VPS37A: variants seen among roughly 807,000 people sequenced by gnomAD.
The protein encoded by VPS37A is VPS37A subunit of ESCRT-I, also known as vacuolar protein sorting-associated protein 37A.
VPS37A carries 30 observed loss-of-function variants against 49.8 expected under a neutral mutation model. The ratio of observed to expected loss-of-function variants is 0.60; its 90% CI spans 0.45 to 0.82. VPS37A has a LOEUF of 0.82. VPS37A is among the 40% of genes least tolerant of loss of function. The probability of loss-of-function intolerance (pLI) is 0.00; values close to 1 mark genes in which losing one functional copy is unlikely to be tolerated. For synonymous variants in VPS37A, 195 were observed against 160.6 expected, an observed-to-expected ratio of 1.21 and a Z score of -1.62; for missense variants, 593 against 464.4, an observed-to-expected ratio of 1.28 and a Z score of -2.55.
downstream of VPS37A, chr8:17,302,303 G>A (rs6587028): frequency 0.7 from 1,119,844 of 1,608,272 alleles, 392,365 homozygotes; most frequent in African/African-American, 0.88. Flanking sequence ...GCAAAGCGTC[G>A]TGATACCACC....
chr8:17,272,195 A>G (rs564337352), intron 4 of VPS37A: 7 of 403,698 alleles, frequency 1.7e-5, no homozygotes, highest in East Asian at 1.4e-4. Flanking sequence ...TTTGAGGCCC[A>G]TTAGACCTTC....
At chr8:17,299,886 A>G, downstream of VPS37A, 1 of 1,614,106 alleles carries the variant, frequency 6.2e-7, no homozygotes, top group South Asian at 1.1e-5. Context: ...ACACGGCTTC[A>G]TCAGAATCCC....
At chr8:17,310,707 G>A in the VPS37A span, among the ~76,000 whole-genome samples, 5 of 152,152 alleles carry the variant, frequency 3.3e-5, no homozygotes, top group African/African-American at 1.2e-4. Flanking sequence ...CTGCCTCTTC[G>A]CTCTTGTCCG....
intron 11 of VPS37A, among the ~76,000 whole-genome samples, chr8:17,291,357 CTCTTT>C (rs1232818127): frequency 6.6e-6 from 1 of 151,684 alleles, no homozygotes; most frequent in Non-Finnish European, 1.5e-5. Context: ...TGATTCTTCT[CTCTTT>C]TCTTCTTTTT....
At chr8:17,275,711 G>A (rs1277777555) in intron 5 of VPS37A, among the ~76,000 whole-genome samples, 1 of 152,118 alleles carries the variant, frequency 6.6e-6, no homozygotes, top group African/African-American at 2.4e-5. Flanking sequence ...ATTTAAAGGG[G>A]TATAAAACCT....
At chr8:17,264,924 T>C (rs562636399) in intron 1 of VPS37A, among the ~76,000 whole-genome samples, 3 of 152,268 alleles carry the variant, frequency 2.0e-5, no homozygotes, top group South Asian at 4.1e-4. Flanking sequence ...CAAATAACAA[T>C]AAAACAAACT....
chr8:17,306,519 CT>C (rs1477681250), downstream of VPS37A, among the ~76,000 whole-genome samples: 1 of 152,084 alleles, frequency 6.6e-6, no homozygotes, highest in Non-Finnish European at 1.5e-5. Context: ...TCTCCCATTG[CT>C]TTGCTTTTCA....
the VPS37A span, among the ~76,000 whole-genome samples, chr8:17,309,862 T>C: frequency 1.1e-4 from 16 of 152,184 alleles, no homozygotes; most frequent in Admixed American, 1.0e-3. Flanking sequence ...ATAAGAATTC[T>C]AAAATGATGG....
At chr8:17,329,673 G>A in the VPS37A span, among the ~76,000 whole-genome samples, 4 of 152,192 alleles carry the variant, frequency 2.6e-5, no homozygotes, top group Non-Finnish European at 5.9e-5. Context: ...CCTGATAAAT[G>A]ATGAACAGTC....
chr8:17,264,893 A>T (rs1344671963), intron 1 of VPS37A, among the ~76,000 whole-genome samples: 1 of 152,210 alleles, frequency 6.6e-6, no homozygotes, highest in South Asian at 2.1e-4. Flanking sequence ...AGTGTATTAT[A>T]GTTGTAATAA....
At chr8:17,278,303 GT>G (rs1814716388) in intron 6 of VPS37A, among the ~76,000 whole-genome samples, 2 of 151,864 alleles carry the variant, frequency 1.3e-5, no homozygotes, top group African/African-American at 4.8e-5. Flanking sequence ...TATAGCAAGG[GT>G]CATAAATATG....
At chr8:17,322,669 T>TA in the VPS37A span, among the ~76,000 whole-genome samples, 1 of 151,556 alleles carries the variant, frequency 6.6e-6, no homozygotes, top group Non-Finnish European at 1.5e-5. Flanking sequence ...AAAATAAAAA[T>TA]AAAAAATTAG....
At chr8:17,311,235 A>C in the VPS37A span, among the ~76,000 whole-genome samples, 1 of 152,198 alleles carries the variant, frequency 6.6e-6, no homozygotes, top group Non-Finnish European at 1.5e-5. Flanking sequence ...ATTGGCTTAC[A>C]AACTACCAAA....
Position 17,280,297 on chromosome 8 carries a change from G to A in VPS37A, c.900G>A (p.Lys300=). Residue 300 remains lysine, a splice_region_variant and synonymous_variant, in exon 8 of 12, where the codon AAG becomes AAA. Coordinates refer to ENST00000324849, the MANE Select transcript of VPS37A (RefSeq NM_152415.3). ...LEAKRQTVLD[K]YELLTQMKST... is the part of the protein sequence containing the mutation. ...CCAAAAGACAAACTGTTTTAGATAA[G>A]GTGAGTTAGTGATAATTTTGAAGAA... 6.2e-7 allele frequency: 1 copy of A among 1,610,726 alleles called. No individual in the cohort carries two copies. The highest frequency in any genetic ancestry group is 8.5e-7 in the Non-Finnish European group (1 of 1,178,800).
intron 1 of VPS37A, among the ~76,000 whole-genome samples, chr8:17,264,000 C>T (rs972734685): frequency 6.6e-5 from 10 of 152,164 alleles, no homozygotes; most frequent in African/African-American, 1.9e-4. Flanking sequence ...CCTCCATGTT[C>T]TACATGCCTA....
chr8:17,309,278 G>C, the VPS37A span: 1 of 1,526,714 alleles, frequency 6.6e-7, no homozygotes, highest in Non-Finnish European at 9.1e-7. Flanking sequence ...ATTACTTACC[G>C]GTGATTAAAC....
chr8:17,268,311 C>G lies in VPS37A; in HGVS notation c.254C>G (p.Pro85Arg), dbSNP rs1025811618. Residue 85 changes from proline to arginine, a missense_variant, in exon 3 of 12, where the codon CCA (proline) becomes CGA (arginine). Transcript: ENST00000324849. ...AAACCAGTGATCAGTGTTTATCCAC[C>G]AATACGACATCACTTAATGGATAAA... The part of the protein sequence containing the change: ...QEKPVISVYP[P>R]IRHHLMDKQG... 2 of 1,613,194 alleles carry G rather than the reference C, an allele frequency of 1.2e-6. No homozygotes were observed. The highest frequency in any genetic ancestry group is 2.7e-5 in the African/African-American group (2 of 74,888).
At chr8:17,328,682 T>C in the VPS37A span, among the ~76,000 whole-genome samples, 6 of 152,150 alleles carry the variant, frequency 3.9e-5, no homozygotes, top group African/African-American at 9.7e-5. Context: ...CGTTCACTTA[T>C]GTACATCCTG....
In VPS37A at chr8:17,268,251, C is replaced by T; in HGVS notation, c.201-7C>T. The T allele has an allele frequency of 6.3e-7, 1 of 1,596,668 alleles. No individual in the cohort carries two copies. The highest frequency in any genetic ancestry group is 2.2e-5 in the East Asian group (1 of 44,690). On this transcript the variant is annotated splice_polypyrimidine_tract_variant and splice_region_variant and intron_variant, in intron 2 of 11. Transcript: ENST00000324849. ...TTTTTGTTTTTCATCTGTTCTACCT[C>T]TACCAGATTGCTTCCTCCACAGTTT...
Sources: gnomAD v4.1 joint callset for allele counts (sites outside exome capture counted in the v4.1 genomes callset) on GRCh38, gnomAD v4.1.1 for gene constraint, MANE v1.5 for transcripts, NCBI Gene and HGNC (gene_info 2026-07-23, HGNC 2026-07-21) for gene names.